SLC25A36: variants seen among roughly 807,000 people sequenced by gnomAD.
SLC25A36 encodes epididymis secretory sperm binding protein.
SLC25A36 carries 24 observed loss-of-function variants against 35.3 expected under a neutral mutation model. The ratio of observed to expected loss-of-function variants is 0.68; its 90% confidence interval spans 0.49 to 0.96. The LOEUF is 0.96. SLC25A36 is among the 40% of genes least tolerant of loss of function. SLC25A36 has a pLI of 0.00. For missense variants in SLC25A36, 294 were observed against 381.1 expected (o/e 0.77, Z 1.90); for synonymous variants, 141 against 132.2 (o/e 1.07, Z -0.46).
intron 4 of SLC25A36, among the ~76,000 whole-genome samples, chr3:140,967,410 T>C (rs1934789417): frequency 6.6e-6 from 1 of 151,994 alleles, no homozygotes; most frequent in Non-Finnish European, 1.5e-5. Context: ...TTCTTTTTTG[T>C]CTGTTGATAC....
At chr3:140,965,260 A>G (rs927811827) in intron 4 of SLC25A36, 1 of 151,768 alleles carries the variant, frequency 6.6e-6, no homozygotes, top group Non-Finnish European at 1.5e-5. Flanking sequence ...GAAATAATCT[A>G]GACCAGATTA....
chr3:140,961,579 G>C (rs998682413), intron 3 of SLC25A36, among the ~76,000 whole-genome samples: 1 of 151,998 alleles, frequency 6.6e-6, no homozygotes, highest in Non-Finnish European at 1.5e-5. Context: ...ATATTGACCG[G>C]GCAGAGTGGC....
chr3:140,945,396 T>C (rs1185034458), intron 1 of SLC25A36, among the ~76,000 whole-genome samples: 1 of 152,186 alleles, frequency 6.6e-6, no homozygotes, highest in Non-Finnish European at 1.5e-5. Flanking sequence ...TCCGTTCTTC[T>C]TACTAATAGA....
chr3:140,946,281 G>C (rs559923776), intron 1 of SLC25A36, among the ~76,000 whole-genome samples: 2 of 152,294 alleles, frequency 1.3e-5, no homozygotes, highest in South Asian at 4.1e-4. Context: ...GTAAAGACTT[G>C]GAAGGGAGAG....
chr3:140,945,926 GCTTC>G (rs1257690181), intron 1 of SLC25A36, among the ~76,000 whole-genome samples: 2 of 152,156 alleles, frequency 1.3e-5, no homozygotes, highest in Non-Finnish European at 2.9e-5. Flanking sequence ...GGCTACACTA[GCTTC>G]TTTTTTTCAT....
chr3:140,963,427 T>G, intron 4 of SLC25A36, 200 bp downstream of exon 4: 1 of 460,608 alleles, frequency 2.2e-6, no homozygotes, highest in South Asian at 2.7e-5. Flanking sequence ...GGAGTTTACA[T>G]GCTAGGGTAC....
intron 1 of SLC25A36, among the ~76,000 whole-genome samples, chr3:140,948,563 C>A (rs1028298270): frequency 6.6e-6 from 1 of 152,178 alleles, no homozygotes; most frequent in African/African-American, 2.4e-5. Context: ...TTATCCTTTT[C>A]ATCTTGCTTT....
intron 2 of SLC25A36, among the ~76,000 whole-genome samples, chr3:140,958,481 G>T (rs1417408224): frequency 1.3e-5 from 2 of 152,148 alleles, no homozygotes; most frequent in Admixed American, 6.5e-5. Context: ...AATGTCAGGG[G>T]CCTCGCCTTC....
chr3:140,978,637 T>C lies in SLC25A36; in HGVS notation c.*2184T>C, dbSNP rs1559819888. 1 of 152,196 alleles carries C rather than the reference T, an allele frequency of 6.6e-6. No individual in the cohort carries two copies. The highest frequency in any genetic ancestry group is 1.5e-5 in the Non-Finnish European group (1 of 68,008). 9.4% of individuals were successfully genotyped at this position (152,196 alleles called of 1,614,324 possible). A position where few individuals can be genotyped will look rare whatever the true frequency, so the allele number is the denominator to read the frequency against. Reference sequence around the variant, plus strand: ...AGCAAGTAAAACTTGTGTTGACCTTTAGTGCATTATATTCAGCTTTTAACA... The same window carrying C: ...AGCAAGTAAAACTTGTGTTGACCTTCAGTGCATTATATTCAGCTTTTAACA... On this transcript the variant is annotated 3_prime_UTR_variant, in exon 7 of 7. Transcript: ENST00000324194.
At chr3:140,944,808 CATT>C (rs1321126698) in intron 1 of SLC25A36, among the ~76,000 whole-genome samples, 3 of 152,168 alleles carry the variant, frequency 2.0e-5, no homozygotes, top group South Asian at 2.1e-4. Flanking sequence ...TTTGCTCAAT[CATT>C]ATTATTTATT....
intron 4 of SLC25A36, chr3:140,968,688 A>G (rs370350213): frequency 2.0e-6 from 2 of 983,738 alleles, no homozygotes; most frequent in Non-Finnish European, 2.4e-6. Context: ...TCCAGCCTCA[A>G]ATTCTTTTGT....
intron 6 of SLC25A36, among the ~76,000 whole-genome samples, chr3:140,975,372 G>T (rs993203537): frequency 1.3e-5 from 2 of 151,936 alleles, no homozygotes; most frequent in African/African-American, 2.4e-5. Context: ...CTCCCAGAAT[G>T]CTAGTCAGGC....
At chr3:140,942,410 A>T (rs1156816904) in intron 1 of SLC25A36, 2 of 258,944 alleles carry the variant, frequency 7.7e-6, no homozygotes, top group African/African-American at 4.5e-5. Flanking sequence ...GGTGAGGCGG[A>T]GGCCGAATCC....
At chr3:140,970,090 T>TA (rs1391732888) in intron 4 of SLC25A36, among the ~76,000 whole-genome samples, 1 of 151,960 alleles carries the variant, frequency 6.6e-6, no homozygotes, top group Non-Finnish European at 1.5e-5. Flanking sequence ...AAGTAAAACA[T>TA]ATGCACTATC....
Position 140,959,537 on chromosome 3 carries a change from C to T in SLC25A36, c.281C>T (p.Ser94Phe). ...LGPNLVGVAP[S>F]RAIYFAAYSN... ...CCCAATTTAGTGGGGGTAGCCCCTT[C>T]CAGGTAAAAAAAAAAAAAAATTGTT... The change falls in exon 3 of 7, where the codon TCC (serine) becomes TTC (phenylalanine). Residue 94 changes from serine (S) to phenylalanine (F), a missense_variant. Physicochemically the swap from Ser to Phe is radical, Grantham distance 155 (BLOSUM62 -2). Transcript: ENST00000324194. The T allele has an allele frequency of 1.4e-6, 2 of 1,442,356 alleles. No homozygotes were observed. The highest frequency in any genetic ancestry group is 3.3e-5 in the Admixed American group (1 of 30,470). 89.3% of individuals were successfully genotyped at this position (1,442,356 alleles called of 1,614,324 possible). A position where few individuals can be genotyped will look rare whatever the true frequency, so the allele number is the denominator to read the frequency against.
intron 6 of SLC25A36, 71 bp from the exon 7 acceptor site, chr3:140,976,189 G>A: frequency 1.0e-6 from 1 of 998,718 alleles, no homozygotes; most frequent in Non-Finnish European, 1.5e-6. Context: ...TGATAAATGG[G>A]ATGTGCTCAG....
chr3:140,971,420 T>C (rs1321432642), intron 5 of SLC25A36, among the ~76,000 whole-genome samples: 2 of 152,200 alleles, frequency 1.3e-5, no homozygotes, highest in African/African-American at 4.8e-5. Flanking sequence ...TAGAGAACCC[T>C]AGGCTGACAG....
intron 4 of SLC25A36, among the ~76,000 whole-genome samples, chr3:140,969,488 G>A (rs929970375): frequency 4.6e-5 from 7 of 151,744 alleles, no homozygotes; most frequent in Non-Finnish European, 8.9e-5. Flanking sequence ...AAGTATTAAA[G>A]GAATTATTTA....
In SLC25A36 at chr3:140,949,678, A is replaced by G. The variant is rs560637619; in HGVS notation, c.42-6849A>G. ...CAGTGTTGTTAGATTCGTAACCAAGAAACTCTCCTTTCTGAATTTTTGATG... is the reference window on the plus strand; with the variant it reads ...CAGTGTTGTTAGATTCGTAACCAAGGAACTCTCCTTTCTGAATTTTTGATG... On this transcript the variant is annotated intron_variant, in intron 1 of 6. Coordinates refer to ENST00000324194, the MANE Select transcript of SLC25A36 (RefSeq NM_001104647.3). Among the ~76,000 whole-genome samples the G allele has an allele frequency of 5.3e-5, 8 of 152,314 alleles. No homozygotes were observed. The East Asian group carries it at 9.6e-4, about 18-fold the overall frequency.
Sources: allele counts gnomAD v4.1 joint callset (sites outside exome capture counted in the v4.1 genomes callset), GRCh38; gene constraint gnomAD v4.1.1; transcripts MANE v1.5; gene names NCBI Gene and HGNC (gene_info 2026-07-23, HGNC 2026-07-21).